The following MBD5 variants were observed in gnomAD, a reference collection of about 807,000 sequenced individuals.
The protein encoded by MBD5 is methyl-CpG-binding domain protein 5.
MBD5 carries 13 observed loss-of-function variants against 117.3 expected under a neutral mutation model. The observed-to-expected ratio is 0.11, with a 90% CI of 0.07 to 0.18. The LOEUF is 0.18. Ranked by LOEUF, MBD5 falls within the 10% of genes least tolerant of loss-of-function variation. The probability of loss-of-function intolerance (pLI) is 1.00; values close to 1 mark genes in which losing one functional copy is unlikely to be tolerated. For missense variants in MBD5, 1,879 were observed against 2,093.8 expected (o/e 0.90, Z 2.00); for synonymous variants, 727 against 766.4 (o/e 0.95, Z 0.85).
intron 4 of MBD5, among the ~76,000 whole-genome samples, chr2:148,350,091 C>T (rs1349529814): frequency 6.6e-6 from 1 of 151,870 alleles, no homozygotes; most frequent in Non-Finnish European, 1.5e-5. Flanking sequence ...GCCCCCATAA[C>T]CTAAGGACAA....
intron 4 of MBD5, among the ~76,000 whole-genome samples, chr2:148,388,527 A>T (rs1704449695): frequency 6.6e-6 from 1 of 152,230 alleles, no homozygotes; most frequent in South Asian, 2.1e-4. Context: ...CATATTTTAT[A>T]CATCATATAA....
At chr2:148,377,466 G>C (rs1259812763) in intron 4 of MBD5, among the ~76,000 whole-genome samples, 1 of 152,090 alleles carries the variant, frequency 6.6e-6, no homozygotes, top group East Asian at 1.9e-4. Context: ...ACCATCACAG[G>C]TAGTAAATTA....
intron 6 of MBD5, among the ~76,000 whole-genome samples, chr2:148,463,086 C>G (rs566751242): frequency 1.3e-5 from 2 of 152,016 alleles, no homozygotes; most frequent in Non-Finnish European, 2.9e-5. Context: ...ACTGAACCCT[C>G]CTAGCCAAAA....
chr2:148,210,862 G>C (rs1054851379), intron 2 of MBD5, among the ~76,000 whole-genome samples: 3 of 151,618 alleles, frequency 2.0e-5, no homozygotes, highest in African/African-American at 7.3e-5. Flanking sequence ...ATCTAGTTTT[G>C]ATTACTTAAG....
chr2:148,450,913 C>A (rs1475926182), intron 4 of MBD5, among the ~76,000 whole-genome samples: 1 of 152,166 alleles, frequency 6.6e-6, no homozygotes, highest in Non-Finnish European at 1.5e-5. Flanking sequence ...AAGATGGGCA[C>A]AGACAAGCAT....
chr2:148,089,520 T>C (rs1695882314), intron 1 of MBD5, among the ~76,000 whole-genome samples: 1 of 152,040 alleles, frequency 6.6e-6, no homozygotes, highest in Admixed American at 6.6e-5. Context: ...GGAATAAAAT[T>C]GGAAATTAAC....
intron 4 of MBD5, among the ~76,000 whole-genome samples, chr2:148,385,995 G>A: frequency 6.7e-6 from 1 of 149,414 alleles, no homozygotes; most frequent in Non-Finnish European, 1.5e-5. Flanking sequence ...AGCATTAGGA[G>A]ATATACCTAA....
At chr2:148,043,748 T>C (rs937060111) in intron 1 of MBD5, among the ~76,000 whole-genome samples, 4 of 152,216 alleles carry the variant, frequency 2.6e-5, no homozygotes, top group African/African-American at 9.6e-5. Context: ...TTGATAATTT[T>C]AGTTGAAGGA....
intron 4 of MBD5, among the ~76,000 whole-genome samples, chr2:148,343,878 T>C (rs1050911519): frequency 6.6e-6 from 1 of 152,116 alleles, no homozygotes; most frequent in Non-Finnish European, 1.5e-5. Flanking sequence ...CATAAATTCT[T>C]TCCTAAGGCC....
intron 3 of MBD5, among the ~76,000 whole-genome samples, chr2:148,310,062 G>A (rs891585246): frequency 3.3e-5 from 5 of 152,246 alleles, no homozygotes; most frequent in South Asian, 2.1e-4. Context: ...TTTTATTGAG[G>A]ATTTTTGCAT....
intron 3 of MBD5, among the ~76,000 whole-genome samples, chr2:148,282,910 T>G (rs1444992821): frequency 7.9e-6 from 1 of 126,448 alleles, no homozygotes. Context: ...CCCCCCCCCA[T>G]CAGATGCAAT....
chr2:148,308,712 T>C (rs887445803), intron 3 of MBD5, among the ~76,000 whole-genome samples: 5 of 152,012 alleles, frequency 3.3e-5, no homozygotes, highest in African/African-American at 1.2e-4. Flanking sequence ...GGTATTTTAG[T>C]CTTGAAGTCT....
intron 4 of MBD5, among the ~76,000 whole-genome samples, chr2:148,450,080 G>A (rs2105475026): frequency 6.6e-6 from 1 of 151,960 alleles, no homozygotes; most frequent in African/African-American, 2.4e-5. Context: ...CAAAATCATG[G>A]TCCTTTCCCT....
chr2:148,414,150 G>C (rs1159880343), intron 4 of MBD5, among the ~76,000 whole-genome samples: 2 of 152,100 alleles, frequency 1.3e-5, no homozygotes, highest in Non-Finnish European at 2.9e-5. Context: ...GTGCCCCAGA[G>C]ATTCTGGTAT....
At chr2:148,077,913 G>A (rs1354379282) in intron 1 of MBD5, among the ~76,000 whole-genome samples, 23 of 152,030 alleles carry the variant, frequency 1.5e-4, no homozygotes, top group Non-Finnish European at 4.4e-5. Context: ...TGGGAGACTC[G>A]ATAGATTAAA....
At chr2:148,040,518 A>G (rs1240212359) in intron 1 of MBD5, among the ~76,000 whole-genome samples, 1 of 152,218 alleles carries the variant, frequency 6.6e-6, no homozygotes, top group Admixed American at 6.5e-5. Context: ...ACTTTGATGT[A>G]TATATGGGTA....
rs1388198103 is a variant in MBD5, at chr2:148,345,626, C to CATACATATGTATATACACGTATACAT, written c.-557+3308_-557+3333dup. On this transcript the variant is annotated intron_variant, in intron 4 of 13. Transcript: ENST00000642680. ...ATACATATGTATATACACGTATACA[C>CATACATATGTATATACACGTATACAT]ATACATATGTATATACACGTATACA... Among the ~76,000 whole-genome samples, 3 of 60,802 alleles carry CATACATATGTATATACACGTATACAT rather than the reference C, an allele frequency of 4.9e-5. 1 individual carries two copies. Among genetic ancestry groups the CATACATATGTATATACACGTATACAT allele is most frequent in the African/African-American group, 2.3e-4 (3 of 13,312 alleles). 39.9% of individuals were successfully genotyped at this position (60,802 alleles called of 152,430 possible). A position where few individuals can be genotyped will look rare whatever the true frequency, so the allele number is the denominator to read the frequency against.
chr2:148,273,158 C>T (rs890887902), intron 3 of MBD5, among the ~76,000 whole-genome samples: 19 of 152,156 alleles, frequency 1.2e-4, no homozygotes, highest in African/African-American at 4.6e-4. Context: ...ACAGAGCTGA[C>T]TCCATCATGC....
At chr2:148,437,964 T>TACA (rs572146487) in intron 4 of MBD5, among the ~76,000 whole-genome samples, 1,684 of 152,262 alleles carry the variant, frequency 0.011, 16 homozygotes, top group Middle Eastern at 0.021. Context: ...AATGCAGATA[T>TACA]ACAAAAAGGA....
Sources: allele counts gnomAD v4.1 joint callset (sites outside exome capture counted in the v4.1 genomes callset), GRCh38; gene constraint gnomAD v4.1.1; transcripts MANE v1.5; gene names NCBI Gene and HGNC (gene_info 2026-07-23, HGNC 2026-07-21).